DEPTOR: variants seen among roughly 807,000 people sequenced by gnomAD.
DEPTOR encodes DEP domain containing MTOR interacting protein, also known as DEP domain-containing mTOR-interacting protein.
A neutral mutation model predicts 41.6 loss-of-function variants in DEPTOR; 41 were observed. That is an observed-to-expected ratio of 0.98 (90% CI 0.77 to 1.28). The LOEUF (loss-of-function observed/expected upper bound fraction) is 1.28. DEPTOR is among the 50% of genes most tolerant of loss of function. DEPTOR has a pLI of 0.00. For missense variants in DEPTOR, 514 were observed against 527.9 expected (o/e 0.97, Z 0.26); for synonymous variants, 195 against 192.3 (o/e 1.01, Z -0.12).
At chr8:120,027,947 G>A (rs552647345) in intron 8 of DEPTOR, among the ~76,000 whole-genome samples, 133 of 152,118 alleles carry the variant, frequency 8.7e-4, no homozygotes, top group Middle Eastern at 3.4e-3. Context: ...CATCAGCACG[G>A]TTTGGAAACT....
chr8:120,005,255 T>TCTG lies in DEPTOR; in HGVS notation c.926-1546_926-1544dup, dbSNP rs1218403310. The stretch of plus-strand genomic sequence containing the variant: ...GACCACTTTTCTTACCTCCCATCCA[T>TCTG]CTGCTGAGAGATTCTGTTTCCATCT... On this transcript the variant is annotated intron_variant, in intron 6 of 8. Coordinates refer to ENST00000286234, the MANE Select transcript of DEPTOR (RefSeq NM_022783.4). Among the ~76,000 whole-genome samples the TCTG allele has an allele frequency of 2.0e-5, 3 of 152,196 alleles. No homozygotes were observed. The East Asian group carries it at 5.8e-4, about 29-fold the overall frequency.
intron 1 of DEPTOR, among the ~76,000 whole-genome samples, chr8:119,878,619 G>A (rs918721246): frequency 3.3e-5 from 5 of 151,876 alleles, no homozygotes; most frequent in African/African-American, 1.2e-4. Flanking sequence ...GAGCCACCAT[G>A]CCCGGCCAAT....
chr8:120,003,165 C>A, intron 6 of DEPTOR, 54 bp downstream of exon 6: 1 of 1,585,368 alleles, frequency 6.3e-7, no homozygotes. Flanking sequence ...TTGGGCAGGT[C>A]CCTGGGAAGC....
chr8:119,948,667 A>G (rs2129918694), intron 3 of DEPTOR, among the ~76,000 whole-genome samples: 1 of 152,216 alleles, frequency 6.6e-6, no homozygotes, highest in East Asian at 1.9e-4. Flanking sequence ...CATCACTTCA[A>G]AAAGAAACCC....
chr8:119,964,865 G>A (rs912330074), intron 3 of DEPTOR, among the ~76,000 whole-genome samples: 2 of 152,042 alleles, frequency 1.3e-5, no homozygotes, highest in African/African-American at 4.8e-5. Context: ...CCTGAGGTTG[G>A]GAGTTCAAGA....
intron 1 of DEPTOR, among the ~76,000 whole-genome samples, chr8:119,880,429 A>C (rs893398089): frequency 6.6e-6 from 1 of 152,172 alleles, no homozygotes; most frequent in African/African-American, 2.4e-5. Context: ...TCAGCCAGAA[A>C]GTTACGGTAG....
At chr8:120,049,149 G>A (rs1047499780) in intron 8 of DEPTOR, among the ~76,000 whole-genome samples, 5 of 151,964 alleles carry the variant, frequency 3.3e-5, no homozygotes, top group Non-Finnish European at 7.4e-5. Context: ...TTAATAATTG[G>A]GAGCAAGCAT....
chr8:119,954,322 T>C (rs1828391110), intron 3 of DEPTOR, among the ~76,000 whole-genome samples: 1 of 151,860 alleles, frequency 6.6e-6, no homozygotes, highest in Middle Eastern at 3.2e-3. Flanking sequence ...CTTTTGGTAT[T>C]TTTTGTTGAG....
Position 120,050,342 on chromosome 8 carries a change from TG to T in DEPTOR, c.*643del, listed in dbSNP as rs1183233660. On this transcript the variant is annotated 3_prime_UTR_variant, in exon 9 of 9. Coordinates refer to ENST00000286234, the MANE Select transcript of DEPTOR (RefSeq NM_022783.4). ...AAAAAAAACCTTGTGATGCTATGGT[TG>T]GGGGTAGTTAGGGAGAGACTACATG... The T allele has an allele frequency of 1.3e-5, 2 of 151,964 alleles. No individual in the cohort carries two copies. Among genetic ancestry groups the T allele is most frequent in the African/African-American group, 4.8e-5 (2 of 41,378 alleles). 9.4% of individuals were successfully genotyped at this position (151,964 alleles called of 1,614,324 possible).
At chr8:120,003,167 C>G in intron 6 of DEPTOR, 56 bp downstream of exon 6, 1 of 1,585,284 alleles carries the variant, frequency 6.3e-7, no homozygotes, top group Non-Finnish European at 8.6e-7. Flanking sequence ...GGGCAGGTCC[C>G]TGGGAAGCAG....
intron 1 of DEPTOR, among the ~76,000 whole-genome samples, chr8:119,911,234 A>G (rs1005082443): frequency 6.7e-6 from 1 of 149,434 alleles, no homozygotes; most frequent in Non-Finnish European, 1.5e-5. Context: ...CCTGAGCTAC[A>G]CCTATCCAGA....
intron 4 of DEPTOR, among the ~76,000 whole-genome samples, chr8:119,987,948 C>T (rs563873782): frequency 1.3e-5 from 2 of 152,174 alleles, no homozygotes; most frequent in African/African-American, 4.8e-5. Flanking sequence ...TCTTAGCTTG[C>T]TGGGCTCCAT....
intron 4 of DEPTOR, among the ~76,000 whole-genome samples, chr8:119,966,028 C>T (rs56243727): frequency 0.039 from 5,968 of 152,202 alleles, 125 homozygotes; most frequent in African/African-American, 0.064. Flanking sequence ...GGAAAAAAGT[C>T]GTGTCTGAAC....
At chr8:119,894,244 G>T (rs1345233811) in intron 1 of DEPTOR, among the ~76,000 whole-genome samples, 5 of 151,728 alleles carry the variant, frequency 3.3e-5, no homozygotes, top group Non-Finnish European at 7.4e-5. Flanking sequence ...TGTTGTTGTT[G>T]TTCTTGAGAC....
intron 4 of DEPTOR, among the ~76,000 whole-genome samples, chr8:119,987,388 T>A (rs1165823150): frequency 6.6e-6 from 1 of 152,146 alleles, no homozygotes; most frequent in Non-Finnish European, 1.5e-5. Context: ...TTGCTGCCTG[T>A]TCTTTCCGCT....
intron 7 of DEPTOR, among the ~76,000 whole-genome samples, chr8:120,007,896 T>C (rs763362650): frequency 3.9e-5 from 6 of 152,192 alleles, no homozygotes; most frequent in Non-Finnish European, 7.3e-5. Flanking sequence ...TTCATTTGCC[T>C]CCCTGTTTTT....
rs988988646 is a variant in DEPTOR, at chr8:120,017,113, C to T, written c.1101+7980C>T. 3.9e-5 allele frequency among the ~76,000 whole-genome samples: 6 copies of T among 152,166 alleles called. No individual in the cohort carries two copies. The East Asian group carries it at 7.7e-4, about 20-fold the overall frequency. Reference sequence around the variant, plus strand: ...CTAGCACAATTCTTGGCTTTTAGTACGTGCTGGAAGCAAATTTACTAAATG... The same window carrying T: ...CTAGCACAATTCTTGGCTTTTAGTATGTGCTGGAAGCAAATTTACTAAATG... On this transcript the variant is annotated intron_variant, in intron 8 of 8. Coordinates refer to ENST00000286234, the MANE Select transcript of DEPTOR (RefSeq NM_022783.4).
At chr8:120,047,917 A>G (rs1188904495) in intron 8 of DEPTOR, among the ~76,000 whole-genome samples, 2 of 151,904 alleles carry the variant, frequency 1.3e-5, no homozygotes, top group Non-Finnish European at 2.9e-5. Context: ...ATGGTGGCAC[A>G]CACCTGTAAT....
intron 4 of DEPTOR, among the ~76,000 whole-genome samples, chr8:119,985,106 G>C (rs1828813134): frequency 6.6e-6 from 1 of 152,192 alleles, no homozygotes; most frequent in African/African-American, 2.4e-5. Flanking sequence ...CCAGGAGGCA[G>C]AGGTTGCAGT....
Sources: allele counts gnomAD v4.1 joint callset (sites outside exome capture counted in the v4.1 genomes callset), GRCh38; gene constraint gnomAD v4.1.1; transcripts MANE v1.5; gene names NCBI Gene and HGNC (gene_info 2026-07-23, HGNC 2026-07-21).